Variants in PLXDC2 observed in about 807,000 individuals in gnomAD.
PLXDC2 encodes plexin domain-containing protein 2.
PLXDC2 carries 40 observed loss-of-function variants against 68.9 expected under a neutral mutation model. The ratio of observed to expected loss-of-function variants is 0.58; its 90% confidence interval spans 0.45 to 0.76. PLXDC2 has a LOEUF of 0.76. Among genes scored for constraint, PLXDC2 ranks in the 30% least tolerant of loss-of-function variants. The pLI, the probability that PLXDC2 is intolerant of heterozygous loss-of-function variation, is 0.00. For synonymous variants in PLXDC2, 243 were observed against 234.2 expected (o/e 1.04, Z -0.34); for missense variants, 644 against 661.9 (o/e 0.97, Z 0.30).
At position 20,283,189 on chromosome 10, in the gene PLXDC2, A is replaced by G. The variant is rs2119403822; in HGVS notation, c.*3370A>G. ...TATCCAAGCATTTTTGATTTTAGAG[A>G]GGCCCTATGGAGTAATGAAAAAAAT... On this transcript the variant is annotated 3_prime_UTR_variant, in exon 14 of 14. Coordinates refer to ENST00000377252, the MANE Select transcript of PLXDC2 (RefSeq NM_032812.9). 6.6e-6 allele frequency: 1 copy of G among 152,292 alleles called. No homozygotes were observed. The highest frequency in any genetic ancestry group is 6.5e-5 in the Admixed American group (1 of 15,294). The allele number at this position is 152,292 out of a possible 1,614,324, so 9.4% of individuals were successfully genotyped here.
Position 19,817,050 on chromosome 10 carries a change from C to A in PLXDC2, c.-30C>A, listed in dbSNP as rs201437287. On this transcript the variant is annotated 5_prime_UTR_variant, in exon 1 of 14. Coordinates refer to ENST00000377252, the MANE Select transcript of PLXDC2 (RefSeq NM_032812.9). ...CCCCCGAGCACCGGCGAAGGACTGG[C>A]GGGTGGGGTAGGGAGGTGGCGGCGG... The A allele has an allele frequency of 3.5e-4, 511 of 1,468,432 alleles. 4 individuals carry two copies. The East Asian group carries it at 0.012, about 34-fold the overall frequency. The allele number at this position is 1,468,432 out of a possible 1,614,324, so 91.0% of individuals were successfully genotyped here.
chr10:20,195,940 G>A (rs1199663753), intron 9 of PLXDC2, among the ~76,000 whole-genome samples: 1 of 152,110 alleles, frequency 6.6e-6, no homozygotes, highest in Non-Finnish European at 1.5e-5. Context: ...ACGTTCCTTT[G>A]TCCAAGGCAC....
intron 4 of PLXDC2, among the ~76,000 whole-genome samples, chr10:20,116,708 G>T (rs1044547027): frequency 6.6e-6 from 1 of 152,132 alleles, no homozygotes; most frequent in Non-Finnish European, 1.5e-5. Context: ...GAAGTAAGAA[G>T]ACATAGAAAG....
chr10:20,147,336 AT>A (rs1190557379), intron 5 of PLXDC2, among the ~76,000 whole-genome samples: 1 of 152,192 alleles, frequency 6.6e-6, no homozygotes, highest in Non-Finnish European at 1.5e-5. Flanking sequence ...GAAAAGTATA[AT>A]TTTAAGTATG....
At chr10:20,200,512 C>G (rs1834902906) in intron 9 of PLXDC2, among the ~76,000 whole-genome samples, 1 of 151,900 alleles carries the variant, frequency 6.6e-6, no homozygotes, top group Admixed American at 6.6e-5. Flanking sequence ...TTACCTCTTA[C>G]CAACAAAAAC....
intron 1 of PLXDC2, among the ~76,000 whole-genome samples, chr10:19,888,614 A>C (rs756272950): frequency 6.6e-6 from 1 of 152,184 alleles, no homozygotes; most frequent in African/African-American, 2.4e-5. Context: ...CGAGGGATAC[A>C]TTTTAAGTTA....
chr10:20,218,998 C>T (rs1041415727), intron 11 of PLXDC2, 66 bp from the exon 12 acceptor site: 31 of 1,551,616 alleles, frequency 2.0e-5, no homozygotes, highest in Non-Finnish European at 2.7e-5. Context: ...AATTACTAGT[C>T]ATAAGATTTA....
chr10:19,943,736 A>C (rs770745321), intron 1 of PLXDC2, among the ~76,000 whole-genome samples: 1 of 152,226 alleles, frequency 6.6e-6, no homozygotes, highest in Non-Finnish European at 1.5e-5. Flanking sequence ...CTTCTAAAGA[A>C]ATACTTCAAG....
chr10:20,004,716 T>G (rs1341120220), intron 2 of PLXDC2, among the ~76,000 whole-genome samples: 1 of 152,176 alleles, frequency 6.6e-6, no homozygotes, highest in Admixed American at 6.5e-5. Context: ...ATTTTCTTAA[T>G]CATTTATAAA....
At chr10:20,116,829 C>T (rs1159272261) in intron 4 of PLXDC2, among the ~76,000 whole-genome samples, 1 of 152,044 alleles carries the variant, frequency 6.6e-6, no homozygotes, top group African/African-American at 2.4e-5. Flanking sequence ...TGTTTTAGGT[C>T]TCTGACTTGT....
At chr10:20,219,244 G>A (rs1835179873) in intron 12 of PLXDC2, 142 bp downstream of exon 12, 2 of 855,428 alleles carry the variant, frequency 2.3e-6, no homozygotes, top group Non-Finnish European at 3.4e-6. Flanking sequence ...ACATGGGAAG[G>A]AGTCAGTGGG....
chr10:20,238,466 G>C (rs1011109782), intron 12 of PLXDC2, among the ~76,000 whole-genome samples: 13 of 150,096 alleles, frequency 8.7e-5, no homozygotes. Flanking sequence ...GGCCAACAGG[G>C]TGAAACCCCG....
At chr10:20,003,927 T>C (rs2131639123) in intron 2 of PLXDC2, among the ~76,000 whole-genome samples, 1 of 152,302 alleles carries the variant, frequency 6.6e-6, no homozygotes, top group Middle Eastern at 3.4e-3. Flanking sequence ...CAGAGTTCTG[T>C]CGTCACGTAC....
chr10:20,228,299 G>A (rs541033889), intron 12 of PLXDC2, among the ~76,000 whole-genome samples: 4 of 152,174 alleles, frequency 2.6e-5, no homozygotes, highest in African/African-American at 7.2e-5. Context: ...GGTGGCTCAC[G>A]CCTGTAATCC....
chr10:19,994,502 C>T (rs1027617547), intron 1 of PLXDC2, among the ~76,000 whole-genome samples: 4 of 150,256 alleles, frequency 2.7e-5, no homozygotes, highest in South Asian at 2.1e-4. Flanking sequence ...ATGTTTCTCA[C>T]CAAAATTTAC....
intron 1 of PLXDC2, among the ~76,000 whole-genome samples, chr10:19,823,023 C>G (rs1220846028): frequency 1.3e-5 from 2 of 151,920 alleles, no homozygotes; most frequent in Admixed American, 1.3e-4. Context: ...TCACGCCATT[C>G]TCCTGCCTCA....
At chr10:20,253,885 T>C (rs1394500602) in intron 13 of PLXDC2, among the ~76,000 whole-genome samples, 1 of 152,146 alleles carries the variant, frequency 6.6e-6, no homozygotes. Context: ...AGCTGTATGG[T>C]TGTAGATGTT....
chr10:19,976,560 T>G (rs1391719041), intron 1 of PLXDC2, among the ~76,000 whole-genome samples: 1 of 152,194 alleles, frequency 6.6e-6, no homozygotes, highest in Non-Finnish European at 1.5e-5. Flanking sequence ...TCTCTCTTTC[T>G]CAGTCTCTTA....
intron 13 of PLXDC2, among the ~76,000 whole-genome samples, chr10:20,252,974 A>AT (rs34727217): frequency 0.46 from 70,151 of 151,834 alleles, 17,748 homozygotes; most frequent in Middle Eastern, 0.62. Flanking sequence ...CATTATCCTT[A>AT]TTTTATCATA....
Sources: allele counts gnomAD v4.1 joint callset (sites outside exome capture counted in the v4.1 genomes callset), GRCh38; gene constraint gnomAD v4.1.1; transcripts MANE v1.5; gene names NCBI Gene and HGNC (gene_info 2026-07-23, HGNC 2026-07-21).